The following CCDC149 variants were observed in gnomAD, a reference collection of about 807,000 sequenced individuals.
CCDC149 encodes coiled-coil domain containing 149.
In CCDC149, 45 loss-of-function variants were observed where a neutral mutation model predicts 59.9. The ratio of observed to expected loss-of-function variants is 0.75; its 90% CI spans 0.59 to 0.96. The LOEUF (loss-of-function observed/expected upper bound fraction) is 0.96. CCDC149 is among the 40% of genes least tolerant of loss of function. The pLI is 0.00. For synonymous variants in CCDC149, 245 were observed against 260.6 expected (o/e 0.94, Z 0.58); for missense variants, 584 against 664.7 (o/e 0.88, Z 1.33).
intron 1 of CCDC149, among the ~76,000 whole-genome samples, chr4:24,967,441 G>T (rs943646190): frequency 2.0e-5 from 3 of 152,080 alleles, no homozygotes; most frequent in Non-Finnish European, 4.4e-5. Flanking sequence ...CACCCCCTTC[G>T]CATGCAGCTG....
At chr4:24,899,467 G>C (rs781640076) in intron 1 of CCDC149, among the ~76,000 whole-genome samples, 2 of 152,114 alleles carry the variant, frequency 1.3e-5, no homozygotes, top group African/African-American at 4.8e-5. Flanking sequence ...GAAGAGGAGA[G>C]TATCAGAGGC....
At chr4:24,805,896 C>T (rs140138851), downstream of CCDC149, among the ~76,000 whole-genome samples, 27 of 152,294 alleles carry the variant, frequency 1.8e-4, no homozygotes, top group African/African-American at 3.8e-4. Context: ...AAGATGGAAA[C>T]CTAGAACCTT....
At chr4:24,931,464 T>C (rs1722585683) in intron 1 of CCDC149, among the ~76,000 whole-genome samples, 2 of 151,612 alleles carry the variant, frequency 1.3e-5, no homozygotes, top group African/African-American at 4.9e-5. Flanking sequence ...TGGGGGGATG[T>C]GTCTCTGCTC....
chr4:24,951,559 C>T (rs994973946), intron 1 of CCDC149, among the ~76,000 whole-genome samples: 1 of 152,090 alleles, frequency 6.6e-6, no homozygotes, highest in African/African-American at 2.4e-5. Context: ...TGGTAACTTA[C>T]TCTGGGTTTT....
intron 7 of CCDC149, among the ~76,000 whole-genome samples, chr4:24,836,026 C>T (rs1173781095): frequency 6.6e-6 from 1 of 152,222 alleles, no homozygotes; most frequent in Non-Finnish European, 1.5e-5. Flanking sequence ...GTTTCTTCAT[C>T]ACTCGGAAAC....
At chr4:24,903,448 AT>A (rs545947196) in intron 1 of CCDC149, among the ~76,000 whole-genome samples, 25 of 152,262 alleles carry the variant, frequency 1.6e-4, no homozygotes, top group African/African-American at 5.8e-4. Flanking sequence ...TGGCGCTGAA[AT>A]TTGGGGGACA....
chr4:24,844,978 C>T (rs926599803), intron 4 of CCDC149, among the ~76,000 whole-genome samples: 3 of 152,058 alleles, frequency 2.0e-5, no homozygotes, highest in African/African-American at 7.2e-5. Context: ...GAAGCTGAGA[C>T]ATAGAGAAGT....
intron 12 of CCDC149, among the ~76,000 whole-genome samples, chr4:24,812,057 ATC>A (rs891958569): frequency 1.1e-4 from 17 of 152,212 alleles, no homozygotes; most frequent in Non-Finnish European, 1.9e-4. Flanking sequence ...TGTGTGCACA[ATC>A]TCTCTCTTGC....
chr4:24,919,981 A>G (rs1722238781), intron 1 of CCDC149, among the ~76,000 whole-genome samples: 2 of 152,204 alleles, frequency 1.3e-5, no homozygotes, highest in Non-Finnish European at 2.9e-5. Context: ...AGATAAAGCA[A>G]TGTGCCCAAG....
At chr4:24,880,212 T>G (rs1022781954) in intron 1 of CCDC149, among the ~76,000 whole-genome samples, 4 of 152,362 alleles carry the variant, frequency 2.6e-5, no homozygotes, top group Admixed American at 1.3e-4. Flanking sequence ...TACACAAATA[T>G]GTATCATTGT....
At chr4:24,843,214 A>C (rs10489030) in intron 4 of CCDC149, among the ~76,000 whole-genome samples, 2 of 152,150 alleles carry the variant, frequency 1.3e-5, no homozygotes, top group Non-Finnish European at 2.9e-5. Context: ...ATTCTTACAC[A>C]GTAGCTGTCA....
chr4:24,832,051 T>G (rs926293831), intron 8 of CCDC149, among the ~76,000 whole-genome samples: 4 of 152,184 alleles, frequency 2.6e-5, no homozygotes, highest in African/African-American at 7.2e-5. Flanking sequence ...GCCATGCAAA[T>G]GACAATCACT....
rs1026688595 is a variant in CCDC149, at chr4:24,807,262, A to G, written c.*1127T>C. On this transcript the variant is annotated 3_prime_UTR_variant, in exon 13 of 13. Transcript: ENST00000635206. ...CATTTTTATCTGAAAGGAAAGAACC[A>G]GCTAGAATTGAGCATGCCCTCCTTT... 1 of 152,194 alleles carries G rather than the reference A, an allele frequency of 6.6e-6. No individual in the cohort carries two copies. The highest frequency in any genetic ancestry group is 2.4e-5 in the African/African-American group (1 of 41,440). The allele number at this position is 152,194 out of a possible 1,614,324, so 9.4% of individuals were successfully genotyped here.
At chr4:24,941,574 C>CA (rs947791140) in intron 1 of CCDC149, among the ~76,000 whole-genome samples, 30 of 152,106 alleles carry the variant, frequency 2.0e-4, no homozygotes, top group African/African-American at 7.0e-4. Flanking sequence ...AATCGAGACA[C>CA]AAAAAACCCT....
intron 1 of CCDC149, among the ~76,000 whole-genome samples, chr4:24,881,024 G>C (rs770810136): frequency 2.0e-5 from 3 of 152,190 alleles, no homozygotes; most frequent in Non-Finnish European, 2.9e-5. Flanking sequence ...GACTCACTTT[G>C]AGCACCCAAA....
intron 1 of CCDC149, among the ~76,000 whole-genome samples, chr4:24,892,534 A>G (rs1329712060): frequency 6.6e-6 from 1 of 152,234 alleles, no homozygotes; most frequent in African/African-American, 2.4e-5. Flanking sequence ...AAGACCTACG[A>G]AGCCTGATGG....
upstream of CCDC149, among the ~76,000 whole-genome samples, chr4:24,913,487 T>C (rs539414758): frequency 3.9e-4 from 60 of 152,406 alleles, no homozygotes; most frequent in African/African-American, 1.4e-3. Flanking sequence ...ATACTTAGCA[T>C]TGTTTTTTAA....
intron 1 of CCDC149, among the ~76,000 whole-genome samples, chr4:24,956,227 AC>A (rs1723461828): frequency 1.0e-4 from 1 of 9,650 alleles, no homozygotes; most frequent in Admixed American, 8.2e-4. Context: ...GTTAACACAA[AC>A]TACACAAACT....
chr4:24,899,792 A>G (rs559802641), intron 1 of CCDC149, among the ~76,000 whole-genome samples: 5 of 152,146 alleles, frequency 3.3e-5, no homozygotes, highest in Admixed American at 6.5e-5. Flanking sequence ...AATGAATGCC[A>G]TACTTGGGTA....
Sources: gnomAD v4.1 joint callset for allele counts (sites outside exome capture counted in the v4.1 genomes callset) on GRCh38, gnomAD v4.1.1 for gene constraint, MANE v1.5 for transcripts, NCBI Gene and HGNC (gene_info 2026-07-23, HGNC 2026-07-21) for gene names.